ARHGAP42: variants seen among roughly 807,000 people sequenced by gnomAD.
The protein encoded by ARHGAP42 is rho GTPase-activating protein 42.
ARHGAP42 carries 63 observed loss-of-function variants against 125.0 expected under a neutral mutation model. The observed-to-expected ratio is 0.50, with a 90% confidence interval of 0.41 to 0.62. The LOEUF (loss-of-function observed/expected upper bound fraction) is 0.62, where lower values mean the gene tolerates loss of function less well. Ranked by LOEUF, ARHGAP42 falls within the 20% of genes least tolerant of loss-of-function variation. The pLI is 0.00. For missense variants in ARHGAP42, 766 were observed against 1,024.2 expected (o/e 0.75, Z 3.44); for synonymous variants, 339 against 351.0 (o/e 0.97, Z 0.38).
intron 4 of ARHGAP42, among the ~76,000 whole-genome samples, chr11:100,901,641 A>G (rs764077112): frequency 6.6e-6 from 1 of 152,166 alleles, no homozygotes; most frequent in Admixed American, 6.5e-5. Context: ...TCCCCCAGCC[A>G]GGCTGCCACC....
At chr11:100,694,912 T>A (rs976829251) in intron 1 of ARHGAP42, among the ~76,000 whole-genome samples, 1 of 152,220 alleles carries the variant, frequency 6.6e-6, no homozygotes. Flanking sequence ...ATGCTTGTAA[T>A]CACAGCTACT....
chr11:100,981,590 C>G (rs111401384), intron 22 of ARHGAP42, among the ~76,000 whole-genome samples: 2 of 152,284 alleles, frequency 1.3e-5, no homozygotes, highest in South Asian at 2.1e-4. Flanking sequence ...AGTAACCCCC[C>G]CAGCATTGCT....
At chr11:100,885,848 A>T (rs1435781127) in intron 4 of ARHGAP42, among the ~76,000 whole-genome samples, 3 of 152,222 alleles carry the variant, frequency 2.0e-5, no homozygotes, top group African/African-American at 7.2e-5. Flanking sequence ...GTTAAGGTAG[A>T]CAGAGGTTGA....
In ARHGAP42 at chr11:100,842,792, A is replaced by G. The variant is rs1864972583; in HGVS notation, c.313-16762A>G. Among the ~76,000 whole-genome samples, 3 of 152,272 alleles carry G rather than the reference A, an allele frequency of 2.0e-5. No homozygotes were observed. In the South Asian group the frequency reaches 6.2e-4, roughly 32 times the overall value. ...CTGAACAACAATAGTGACACAACCT[A>G]TTAAAACCTCTTGGATACAGCAAAG... On this transcript the variant is annotated intron_variant, in intron 3 of 23. Transcript: ENST00000298815.
chr11:100,831,932 G>A (rs180801602), intron 3 of ARHGAP42, among the ~76,000 whole-genome samples: 1 of 152,322 alleles, frequency 6.6e-6, no homozygotes, highest in East Asian at 1.9e-4. Flanking sequence ...ACTTGGAAAT[G>A]GAGGAATTCA....
At chr11:100,958,440 C>T (rs1317945534) in intron 12 of ARHGAP42, among the ~76,000 whole-genome samples, 1 of 151,916 alleles carries the variant, frequency 6.6e-6, no homozygotes, top group Non-Finnish European at 1.5e-5. Context: ...TGAGCCACTT[C>T]CCATTGATGG....
intron 6 of ARHGAP42, among the ~76,000 whole-genome samples, chr11:100,929,899 A>T (rs1338558499): frequency 6.6e-6 from 1 of 152,084 alleles, no homozygotes; most frequent in Non-Finnish European, 1.5e-5. Flanking sequence ...ACGAGTTTTT[A>T]ATTTTGAATA....
At chr11:100,784,642 G>A (rs1863391698) in intron 2 of ARHGAP42, among the ~76,000 whole-genome samples, 1 of 151,628 alleles carries the variant, frequency 6.6e-6, no homozygotes, top group African/African-American at 2.4e-5. Flanking sequence ...ACTTAGTTTT[G>A]ACATGTGTTA....
intron 3 of ARHGAP42, among the ~76,000 whole-genome samples, chr11:100,798,655 T>C (rs1241699733): frequency 6.6e-6 from 1 of 152,244 alleles, no homozygotes; most frequent in Non-Finnish European, 1.5e-5. Flanking sequence ...TTTATTTATA[T>C]TTACACATAT....
chr11:100,932,100 G>A (rs530934813), intron 6 of ARHGAP42, among the ~76,000 whole-genome samples: 1 of 152,270 alleles, frequency 6.6e-6, no homozygotes, highest in African/African-American at 2.4e-5. Flanking sequence ...TTTGTAGGAA[G>A]AAAAGCATGA....
intron 4 of ARHGAP42, among the ~76,000 whole-genome samples, chr11:100,908,263 GT>G (rs1866803345): frequency 1.3e-5 from 2 of 152,038 alleles, no homozygotes; most frequent in Non-Finnish European, 2.9e-5. Context: ...TTCATCTTTG[GT>G]ACTTGCTTGT....
intron 2 of ARHGAP42, among the ~76,000 whole-genome samples, chr11:100,777,405 A>AT (rs149074419): frequency 1.3e-5 from 2 of 152,130 alleles, no homozygotes; most frequent in Non-Finnish European, 2.9e-5. Flanking sequence ...GTCAAGAAGA[A>AT]TTTTTTCAAG....
intron 2 of ARHGAP42, among the ~76,000 whole-genome samples, chr11:100,779,556 AC>A (rs1292366493): frequency 2.8e-5 from 4 of 142,404 alleles, no homozygotes; most frequent in African/African-American, 1.1e-4. Flanking sequence ...ATATACATAT[AC>A]ATACGTATAT....
intron 1 of ARHGAP42, among the ~76,000 whole-genome samples, chr11:100,737,474 T>C (rs1705596047): frequency 6.6e-6 from 1 of 152,206 alleles, no homozygotes; most frequent in Non-Finnish European, 1.5e-5. Context: ...CTATATGAGG[T>C]TCATGTATCA....
At chr11:100,965,338 C>T (rs1858064045) in intron 16 of ARHGAP42, among the ~76,000 whole-genome samples, 1 of 152,130 alleles carries the variant, frequency 6.6e-6, no homozygotes, top group African/African-American at 2.4e-5. Flanking sequence ...TGATCATTCA[C>T]ATTTCTAAAG....
In ARHGAP42 at chr11:100,909,308, G is replaced by T. The variant is rs1241724084; in HGVS notation, c.385-4144G>T. Among the ~76,000 whole-genome samples the T allele has an allele frequency of 2.7e-5, 4 of 145,952 alleles. No individual in the cohort carries two copies. In the East Asian group the frequency reaches 6.0e-4, roughly 22 times the overall value. On this transcript the variant is annotated intron_variant, in intron 4 of 23. Transcript: ENST00000298815. ...TCGTACATTCTTTCCATAGGCCAGA[G>T]TTTTTCCTAGGTTTTTCTCTAGGAC...
At chr11:100,693,333 A>G (rs986657788) in intron 1 of ARHGAP42, among the ~76,000 whole-genome samples, 6 of 152,208 alleles carry the variant, frequency 3.9e-5, no homozygotes, top group Non-Finnish European at 8.8e-5. Flanking sequence ...TTTAAGTTAA[A>G]TGAGCAGAAG....
At chr11:100,811,834 A>G (rs1427344806) in intron 3 of ARHGAP42, among the ~76,000 whole-genome samples, 2 of 152,120 alleles carry the variant, frequency 1.3e-5, no homozygotes, top group African/African-American at 4.8e-5. Context: ...CTGTGACTGT[A>G]TACTTTGCTG....
chr11:100,932,446 C>CT, intron 6 of ARHGAP42, among the ~76,000 whole-genome samples: 1 of 152,104 alleles, frequency 6.6e-6, no homozygotes, highest in Non-Finnish European at 1.5e-5. Context: ...TCCATATAAC[C>CT]TGTGTCCTGT....
Sources: gnomAD v4.1 joint callset for allele counts (sites outside exome capture counted in the v4.1 genomes callset) on GRCh38, gnomAD v4.1.1 for gene constraint, MANE v1.5 for transcripts, NCBI Gene and HGNC (gene_info 2026-07-23, HGNC 2026-07-21) for gene names.